Variants in PPARGC1A observed in about 807,000 individuals in gnomAD.
PPARGC1A encodes peroxisome proliferator-activated receptor gamma coactivator 1-alpha.
Under a neutral mutation model 88.7 loss-of-function variants are expected in PPARGC1A, and 25 were observed. The ratio of observed to expected loss-of-function variants is 0.28; its 90% confidence interval spans 0.21 to 0.39. The LOEUF (loss-of-function observed/expected upper bound fraction) is 0.39. PPARGC1A is among the 10% of genes least tolerant of loss of function. The pLI is 1.00. For missense variants in PPARGC1A, 880 were observed against 968.7 expected (o/e 0.91, Z 1.22); for synonymous variants, 363 against 355.6 (o/e 1.02, Z -0.24).
intron 2 of PPARGC1A, among the ~76,000 whole-genome samples, chr4:23,865,838 T>G (rs1711821512): frequency 6.6e-6 from 1 of 152,170 alleles, no homozygotes; most frequent in African/African-American, 2.4e-5. Context: ...TCTTAAACTT[T>G]GATGATCAGC....
the PPARGC1A span, among the ~76,000 whole-genome samples, chr4:24,340,310 CATAA>C: frequency 6.6e-6 from 1 of 152,122 alleles, no homozygotes; most frequent in Non-Finnish European, 1.5e-5. Flanking sequence ...TATTAAATGG[CATAA>C]ATAAACTGAC....
At chr4:24,421,513 G>A in the PPARGC1A span, among the ~76,000 whole-genome samples, 1 of 152,052 alleles carries the variant, frequency 6.6e-6, no homozygotes, top group Admixed American at 6.5e-5. Flanking sequence ...GGGTTTCACC[G>A]TGTTAGCCAG....
At chr4:24,044,675 A>G in the PPARGC1A span, among the ~76,000 whole-genome samples, 1 of 152,118 alleles carries the variant, frequency 6.6e-6, no homozygotes, top group Non-Finnish European at 1.5e-5. Flanking sequence ...CTGAGCCATA[A>G]GAGCACTGGG....
intron 7 of PPARGC1A, among the ~76,000 whole-genome samples, chr4:23,818,839 C>CTTTTTTTTT (rs762478316): frequency 4.1e-5 from 2 of 49,022 alleles, no homozygotes; most frequent in Non-Finnish European, 7.2e-5. Flanking sequence ...CCAATGGCAT[C>CTTTTTTTTT]TTTTTTTTTT....
chr4:24,042,213 GA>G, the PPARGC1A span, among the ~76,000 whole-genome samples: 3 of 152,252 alleles, frequency 2.0e-5, no homozygotes, highest in East Asian at 5.8e-4. Flanking sequence ...GATCTCCAAG[GA>G]TGCCAATATG....
chr4:24,339,223 TATATATATATATATAC>T, the PPARGC1A span, among the ~76,000 whole-genome samples: 9 of 72,406 alleles, frequency 1.2e-4, no homozygotes, highest in Admixed American at 1.3e-3. Context: ...TATATATATA[TATATATATATATATAC>T]ACACACACAC....
chr4:23,822,789 A>G (rs1055258383), intron 7 of PPARGC1A, among the ~76,000 whole-genome samples: 2 of 152,104 alleles, frequency 1.3e-5, no homozygotes, highest in Admixed American at 6.6e-5. Context: ...CTCATTCAGC[A>G]TCTTTCAAGT....
chr4:24,109,256 T>TCTA, the PPARGC1A span, among the ~76,000 whole-genome samples: 14 of 145,806 alleles, frequency 9.6e-5, no homozygotes, highest in African/African-American at 3.3e-4. Flanking sequence ...TTATACCCCC[T>TCTA]CTACTTTATT....
chr4:24,275,996 C>T, the PPARGC1A span, among the ~76,000 whole-genome samples: 1 of 152,180 alleles, frequency 6.6e-6, no homozygotes, highest in African/African-American at 2.4e-5. Flanking sequence ...TGACATTTGA[C>T]ATTGCAAAGC....
chr4:23,947,396 T>TAAA, the PPARGC1A span, among the ~76,000 whole-genome samples: 1 of 19,842 alleles, frequency 5.0e-5, no homozygotes, highest in African/African-American at 1.9e-4. Flanking sequence ...TATATATATA[T>TAAA]AAAAAAAACG....
the PPARGC1A span, among the ~76,000 whole-genome samples, chr4:24,148,188 T>C: frequency 6.6e-6 from 1 of 152,338 alleles, no homozygotes; most frequent in East Asian, 1.9e-4. Flanking sequence ...CTAGACCATG[T>C]GGCTTTCCTG....
the PPARGC1A span, among the ~76,000 whole-genome samples, chr4:24,264,984 C>T: frequency 1.9e-4 from 29 of 152,320 alleles, no homozygotes; most frequent in East Asian, 5.0e-3. Context: ...TGCTAATGCA[C>T]ATCACATATC....
chr4:23,913,145 A>ACC, the PPARGC1A span, among the ~76,000 whole-genome samples: 1 of 140,580 alleles, frequency 7.1e-6, no homozygotes, highest in Non-Finnish European at 1.6e-5. Context: ...ACACACACAT[A>ACC]CACTCTCTCT....
chr4:24,349,995 C>T, the PPARGC1A span, among the ~76,000 whole-genome samples: 1 of 152,194 alleles, frequency 6.6e-6, no homozygotes, highest in East Asian at 1.9e-4. Flanking sequence ...TTCCTCTACC[C>T]CTGTATTTTG....
the PPARGC1A span, among the ~76,000 whole-genome samples, chr4:23,913,147 ACT>A: frequency 7.0e-6 from 1 of 143,318 alleles, no homozygotes; most frequent in East Asian, 2.0e-4. Context: ...ACACACATAC[ACT>A]CTCTCTCTCT....
chr4:23,887,613 C>T (rs1433396928), intron 1 of PPARGC1A, among the ~76,000 whole-genome samples: 1 of 152,152 alleles, frequency 6.6e-6, no homozygotes. Context: ...TATGTTATTT[C>T]ACCCCAACAG....
the PPARGC1A span, among the ~76,000 whole-genome samples, chr4:24,199,153 C>G: frequency 1.4e-4 from 21 of 152,176 alleles, no homozygotes; most frequent in Non-Finnish European, 3.1e-4. Context: ...AGCTCAAGAA[C>G]AGAAAGTTAA....
At chr4:24,182,764 G>A in the PPARGC1A span, among the ~76,000 whole-genome samples, 1 of 152,090 alleles carries the variant, frequency 6.6e-6, no homozygotes, top group Non-Finnish European at 1.5e-5. Context: ...CACTTTAAGA[G>A]GAATAAGGTT....
the PPARGC1A span, among the ~76,000 whole-genome samples, chr4:24,472,500 C>G: frequency 2.0e-5 from 3 of 152,134 alleles, no homozygotes; most frequent in Non-Finnish European, 4.4e-5. This position sits in a 1 kb window ranked among gnomAD's most constrained non-coding sequence, Gnocchi z 4.5. Context: ...AAAAAAAAAG[C>G]ACACATACAC....
Sources: gnomAD v4.1 joint callset for allele counts (sites outside exome capture counted in the v4.1 genomes callset) on GRCh38, gnomAD v4.1.1 for gene constraint, Gnocchi (gnomAD v3.1) non-coding constraint, MANE v1.5 for transcripts, NCBI Gene and HGNC (gene_info 2026-07-23, HGNC 2026-07-21) for gene names.